SRRM4: variants seen among roughly 807,000 people sequenced by gnomAD.
SRRM4 encodes serine/arginine repetitive matrix 4.
Under a neutral mutation model 68.9 loss-of-function variants are expected in SRRM4, and 33 were observed. The ratio of observed to expected loss-of-function variants is 0.48; its 90% CI spans 0.36 to 0.64. SRRM4 has a LOEUF of 0.64. SRRM4 is among the 30% of genes least tolerant of loss of function. The pLI is 0.00. For missense variants in SRRM4, 817 were observed against 827.1 expected, an observed-to-expected ratio of 0.99 and a Z score of 0.15; for synonymous variants, 318 against 318.8, an observed-to-expected ratio of 1.00 and a Z score of 0.03.
At chr12:118,982,461 T>C (rs925273783) in intron 1 of SRRM4, among the ~76,000 whole-genome samples, 1 of 152,060 alleles carries the variant, frequency 6.6e-6, no homozygotes, top group African/African-American at 2.4e-5. Flanking sequence ...GCTCGGAAAC[T>C]AGCGAGCTTT....
intron 1 of SRRM4, among the ~76,000 whole-genome samples, chr12:119,048,620 A>C (rs1373530363): frequency 6.6e-6 from 1 of 152,058 alleles, no homozygotes; most frequent in Non-Finnish European, 1.5e-5. Context: ...CTTACCTGTA[A>C]AATAAGGATA....
chr12:119,082,367 C>G (rs1385478236), intron 1 of SRRM4, among the ~76,000 whole-genome samples: 1 of 152,162 alleles, frequency 6.6e-6, no homozygotes, highest in Admixed American at 6.5e-5. Context: ...TCCTTTCAGC[C>G]AGTGTAATTT....
In SRRM4 at chr12:119,125,374, C is replaced by A; in HGVS notation, c.516-7C>A. The A allele has an allele frequency of 6.2e-7, 1 of 1,612,006 alleles. No individual in the cohort carries two copies. Among genetic ancestry groups the A allele is most frequent in the Non-Finnish European group, 8.5e-7 (1 of 1,178,794 alleles). The stretch of plus-strand genomic sequence containing the variant: ...TCCTCTGACTCGTTCCTTCTCATCC[C>A]CCCAAGATCTCGAAGCCGGCCCCGA... On this transcript the variant is annotated splice_region_variant and splice_polypyrimidine_tract_variant and intron_variant, in intron 6 of 12. Transcript: ENST00000267260.
intron 1 of SRRM4, among the ~76,000 whole-genome samples, chr12:119,020,592 G>A (rs976767479): frequency 1.3e-5 from 2 of 152,158 alleles, no homozygotes; most frequent in Admixed American, 6.5e-5. Context: ...TGACGGAGGG[G>A]GAGTGAGTCG....
chr12:119,103,631 G>A (rs1954089800), intron 2 of SRRM4, among the ~76,000 whole-genome samples: 1 of 152,206 alleles, frequency 6.6e-6, no homozygotes, highest in Non-Finnish European at 1.5e-5. Flanking sequence ...TTCTCCCAAG[G>A]AAACAGGAAG....
chr12:119,151,128 C>G lies in SRRM4; in HGVS notation c.1188C>G (p.Ala396=). 3.1e-6 allele frequency: 5 copies of G among 1,613,988 alleles called. No individual in the cohort carries two copies. Among genetic ancestry groups the G allele is most frequent in the Non-Finnish European group, 4.2e-6 (5 of 1,179,864 alleles). ...GGTGTTCCCGCAGCTCCTCCTATGCCAGCACCCGATCCTCCAGTCACTCGT... is the reference window on the plus strand; with the variant it reads ...GGTGTTCCCGCAGCTCCTCCTATGCGAGCACCCGATCCTCCAGTCACTCGT... ...MKGCSRSSSY[A]STRSSSHSSR... is the part of the protein sequence containing the mutation. The change falls in exon 10 of 13, where the codon GCC becomes GCG. Residue 396 remains alanine, a synonymous_variant. Transcript: ENST00000267260.
chr12:119,044,738 A>C (rs1244763090), intron 1 of SRRM4, among the ~76,000 whole-genome samples: 1 of 152,184 alleles, frequency 6.6e-6, no homozygotes, highest in Non-Finnish European at 1.5e-5. Context: ...CTAGAAAAAA[A>C]AGCCTGGCAC....
intron 1 of SRRM4, among the ~76,000 whole-genome samples, chr12:119,073,266 C>A (rs538981810): frequency 5.0e-4 from 75 of 151,154 alleles, no homozygotes; most frequent in Non-Finnish European, 1.0e-3. Context: ...TGACCTTGAA[C>A]AAGTGACATA....
chr12:119,105,930 T>C (rs1279528109), intron 2 of SRRM4, among the ~76,000 whole-genome samples: 2 of 152,246 alleles, frequency 1.3e-5, no homozygotes, highest in East Asian at 3.8e-4. Context: ...GCCTAGGTTT[T>C]TTATGGTTTT....
At chr12:119,060,062 C>T (rs558115169) in intron 1 of SRRM4, among the ~76,000 whole-genome samples, 163 of 152,086 alleles carry the variant, frequency 1.1e-3, no homozygotes, top group Middle Eastern at 6.8e-3. Flanking sequence ...TAGGCACTGC[C>T]CTGACTTTGT....
At chr12:119,092,670 C>T (rs1271164436) in intron 1 of SRRM4, among the ~76,000 whole-genome samples, 1 of 152,190 alleles carries the variant, frequency 6.6e-6, no homozygotes, top group African/African-American at 2.4e-5. Context: ...CCGTCTTCTT[C>T]ATATGGATTA....
At chr12:119,062,851 A>G (rs1398425289) in intron 1 of SRRM4, among the ~76,000 whole-genome samples, 2 of 152,238 alleles carry the variant, frequency 1.3e-5, no homozygotes, top group Admixed American at 6.5e-5. Flanking sequence ...GCCCTAGGCA[A>G]TGGGCCTACC....
At chr12:119,137,587 GGA>G (rs55883419) in intron 8 of SRRM4, among the ~76,000 whole-genome samples, 5,399 of 118,592 alleles carry the variant, frequency 0.046, 205 homozygotes, top group Admixed American at 0.069. Context: ...GGTTTGGAGT[GGA>G]GAGAGAGAGA....
intron 1 of SRRM4, among the ~76,000 whole-genome samples, chr12:118,986,829 G>A (rs1953285046): frequency 6.6e-6 from 1 of 152,076 alleles, no homozygotes; most frequent in African/African-American, 2.4e-5. Flanking sequence ...CTTTAATAGG[G>A]AAGGAAGCCT....
At chr12:119,140,397 T>C (rs887632930) in intron 8 of SRRM4, among the ~76,000 whole-genome samples, 4 of 147,688 alleles carry the variant, frequency 2.7e-5, no homozygotes, top group Non-Finnish European at 5.9e-5. Context: ...AAAAAAATTA[T>C]TGTTAACTAT....
chr12:119,148,951 G>C (rs760198689), intron 9 of SRRM4, among the ~76,000 whole-genome samples: 3 of 152,182 alleles, frequency 2.0e-5, no homozygotes, highest in Admixed American at 6.5e-5. Context: ...GGTGAGGTGG[G>C]AGGGGTGGGG....
intron 1 of SRRM4, among the ~76,000 whole-genome samples, chr12:119,097,923 A>G (rs1468264986): frequency 2.6e-5 from 4 of 152,366 alleles, no homozygotes; most frequent in South Asian, 4.1e-4. Flanking sequence ...CACAGTTCTC[A>G]GCTTTTGCCT....
intron 6 of SRRM4, among the ~76,000 whole-genome samples, chr12:119,122,332 A>G (rs1183352450): frequency 1.5e-5 from 2 of 131,046 alleles, no homozygotes; most frequent in Non-Finnish European, 3.5e-5. Flanking sequence ...GGAAGGAAGG[A>G]AGGAAGGGGA....
At chr12:119,073,105 T>C (rs188657870) in intron 1 of SRRM4, among the ~76,000 whole-genome samples, 3 of 127,190 alleles carry the variant, frequency 2.4e-5, no homozygotes, top group East Asian at 4.8e-4. Context: ...AAAAAAAAAA[T>C]GTGACGCTCT....
Sources: gnomAD v4.1 joint callset for allele counts (sites outside exome capture counted in the v4.1 genomes callset) on GRCh38, gnomAD v4.1.1 for gene constraint, MANE v1.5 for transcripts, NCBI Gene and HGNC (gene_info 2026-07-23, HGNC 2026-07-21) for gene names.